Variants in TAFA2 observed in about 807,000 individuals in gnomAD.
The protein encoded by TAFA2 is TAFA chemokine like family member 2, also known as chemokine-like protein TAFA-2.
In TAFA2, 7 loss-of-function variants were observed where a neutral mutation model predicts 18.8. The ratio of observed to expected loss-of-function variants is 0.37; its 90% CI spans 0.21 to 0.70. TAFA2 has a LOEUF of 0.70. Ranked by LOEUF, TAFA2 falls within the 30% of genes least tolerant of loss-of-function variation. TAFA2 has a pLI of 0.53. For missense variants in TAFA2, 122 were observed against 158.1 expected (o/e 0.77, Z 1.23); for synonymous variants, 60 against 54.2 (o/e 1.11, Z -0.47).
chr12:62,235,391 A>G, intron 1 of TAFA2: 1 of 647,660 alleles, frequency 1.5e-6, no homozygotes, highest in Non-Finnish European at 2.8e-6. Context: ...CGGAGCTTCC[A>G]GAAGATGAGT....
At chr12:62,026,356 T>A (rs1025087068) in intron 1 of TAFA2, among the ~76,000 whole-genome samples, 1 of 152,072 alleles carries the variant, frequency 6.6e-6, no homozygotes, top group Non-Finnish European at 1.5e-5. Flanking sequence ...GCGCCCCTGC[T>A]TGGATTCCCC....
intron 1 of TAFA2, among the ~76,000 whole-genome samples, chr12:61,899,781 CT>C (rs1229134509): frequency 2.0e-5 from 3 of 152,148 alleles, no homozygotes; most frequent in African/African-American, 7.2e-5. Flanking sequence ...AATGTATAGA[CT>C]TTTTTGCTTG....
intron 1 of TAFA2, among the ~76,000 whole-genome samples, chr12:62,246,068 G>T (rs1332825888): frequency 6.6e-6 from 1 of 150,784 alleles, no homozygotes; most frequent in African/African-American, 2.4e-5. Context: ...CTCACTGCAA[G>T]CTCCGCCTCC....
At chr12:61,905,510 A>T (rs2121328138) in intron 1 of TAFA2, among the ~76,000 whole-genome samples, 1 of 152,340 alleles carries the variant, frequency 6.6e-6, no homozygotes, top group South Asian at 2.1e-4. Context: ...TTTCATTAGC[A>T]TTGAGGATTA....
chr12:61,907,540 GT>G (rs1876413094), intron 1 of TAFA2, among the ~76,000 whole-genome samples: 2 of 152,174 alleles, frequency 1.3e-5, no homozygotes. Context: ...TGCTGCAGGG[GT>G]GGGGCCCTCA....
intron 1 of TAFA2, among the ~76,000 whole-genome samples, chr12:62,032,699 T>A (rs543504024): frequency 6.6e-6 from 1 of 152,276 alleles, no homozygotes; most frequent in East Asian, 1.9e-4. Flanking sequence ...GGCTCCTTTT[T>A]AAACAAGGCA....
chr12:61,994,182 C>A (rs1356986980), intron 1 of TAFA2, among the ~76,000 whole-genome samples: 1 of 152,136 alleles, frequency 6.6e-6, no homozygotes, highest in Non-Finnish European at 1.5e-5. Context: ...ACATTGTCAC[C>A]ATCCTTCAGA....
chr12:62,012,062 A>G (rs9737644), intron 1 of TAFA2, among the ~76,000 whole-genome samples: 63,127 of 152,006 alleles, frequency 0.42, 13,687 homozygotes, highest in Non-Finnish European at 0.47. Flanking sequence ...ATTTCATAGT[A>G]CATGCTGAAC....
At chr12:62,122,005 G>A (rs1870219235) in intron 1 of TAFA2, among the ~76,000 whole-genome samples, 1 of 152,192 alleles carries the variant, frequency 6.6e-6, no homozygotes, top group Non-Finnish European at 1.5e-5. Flanking sequence ...TCACTTATAA[G>A]TGGAAGCTAA....
intron 1 of TAFA2, among the ~76,000 whole-genome samples, chr12:62,201,081 A>G (rs1473593610): frequency 6.6e-6 from 1 of 152,070 alleles, no homozygotes; most frequent in African/African-American, 2.4e-5. Flanking sequence ...TGATTTTTGT[A>G]TGTTTATTTT....
In TAFA2 at chr12:61,955,429, C is replaced by A. The variant is rs369138289; in HGVS notation, c.-1-88003G>T. On this transcript the variant is annotated intron_variant, in intron 1 of 4. Coordinates refer to ENST00000416284, the MANE Select transcript of TAFA2 (RefSeq NM_178539.5). ...CCATCCTAGCCAACATGGTGAAACC[C>A]CGTCTCTATTAAAAATACAAAAATT... Among the ~76,000 whole-genome samples the A allele has an allele frequency of 1.2e-4, 18 of 150,126 alleles. 1 individual carries two copies. Among genetic ancestry groups the A allele is most frequent in the Admixed American group, 3.3e-4 (5 of 14,974 alleles).
At chr12:61,802,356 A>G (rs1408287542) in intron 2 of TAFA2, among the ~76,000 whole-genome samples, 1 of 152,040 alleles carries the variant, frequency 6.6e-6, no homozygotes, top group Non-Finnish European at 1.5e-5. Context: ...TGGAATCAAC[A>G]TAAATGTCCA....
chr12:61,763,379 C>T (rs962122394), intron 2 of TAFA2, among the ~76,000 whole-genome samples: 1 of 151,834 alleles, frequency 6.6e-6, no homozygotes, highest in Non-Finnish European at 1.5e-5. Context: ...AGAGAATGTC[C>T]CCCAGTCTCT....
rs111483346 is a variant in TAFA2 at position 62,188,270 on chromosome 12, G to C, written c.-2+2989C>G. 2.0e-5 allele frequency among the ~76,000 whole-genome samples: 3 copies of C among 150,840 alleles called. No individual in the cohort carries two copies. In the Admixed American group the frequency reaches 2.0e-4, roughly 10 times the overall value. On this transcript the variant is annotated intron_variant, in intron 1 of 4. Transcript: ENST00000416284. ...AAACAAAACTGCATTGCACAGTAAG[G>C]TTCCTTATTTTTACTTGAATCTTCA... is the stretch of plus-strand genomic sequence containing the variant.
At chr12:61,908,635 AT>A (rs1228201217) in intron 1 of TAFA2, among the ~76,000 whole-genome samples, 1 of 152,182 alleles carries the variant, frequency 6.6e-6, no homozygotes, top group Non-Finnish European at 1.5e-5. Context: ...ACCTAGTGAT[AT>A]GCAGTGCTAA....
chr12:61,949,437 T>A (rs1878389952), intron 1 of TAFA2, among the ~76,000 whole-genome samples: 1 of 152,088 alleles, frequency 6.6e-6, no homozygotes, highest in Non-Finnish European at 1.5e-5. Flanking sequence ...GGAAGGCTAC[T>A]CTAGACCCAG....
At chr12:61,739,763 G>A (rs530266896) in intron 4 of TAFA2, among the ~76,000 whole-genome samples, 1 of 152,146 alleles carries the variant, frequency 6.6e-6, no homozygotes, top group African/African-American at 2.4e-5. Flanking sequence ...TGGACTGTCT[G>A]GCCAGACATT....
chr12:61,757,354 T>C (rs1227334820), intron 2 of TAFA2, among the ~76,000 whole-genome samples: 1 of 151,872 alleles, frequency 6.6e-6, no homozygotes, highest in African/African-American at 2.4e-5. Context: ...CAATGAGAAG[T>C]TGATAGTTCT....
At chr12:61,977,375 T>C (rs1308996863) in intron 1 of TAFA2, among the ~76,000 whole-genome samples, 6 of 152,028 alleles carry the variant, frequency 3.9e-5, no homozygotes, top group African/African-American at 1.4e-4. Context: ...AGTCTATGCT[T>C]TTCACATCCA....
Sources: allele counts gnomAD v4.1 joint callset (sites outside exome capture counted in the v4.1 genomes callset), GRCh38; gene constraint gnomAD v4.1.1; transcripts MANE v1.5; gene names NCBI Gene and HGNC (gene_info 2026-07-23, HGNC 2026-07-21).